LRRC37A2: variants seen among roughly 807,000 people sequenced by gnomAD.
LRRC37A2 encodes the protein leucine rich repeat containing 37 member A2, also known as leucine-rich repeat-containing protein 37A2.
A neutral mutation model predicts 68.8 loss-of-function variants in LRRC37A2; 9 were observed. The ratio of observed to expected loss-of-function variants is 0.13; its 90% confidence interval spans 0.08 to 0.23. LRRC37A2 has a LOEUF of 0.23. Ranked by LOEUF, LRRC37A2 falls within the 10% of genes least tolerant of loss-of-function variation. The probability of loss-of-function intolerance (pLI) is 1.00; values close to 1 mark genes in which losing one functional copy is unlikely to be tolerated. For missense variants in LRRC37A2, 168 were observed against 950.4 expected (o/e 0.18, Z 10.82); for synonymous variants, 63 against 367.6 (o/e 0.17, Z 9.48).
chr17:46,755,360 A>G, the LRRC37A2 span: 2 of 1,613,234 alleles, frequency 1.2e-6, no homozygotes, highest in Non-Finnish European at 1.7e-6. Context: ...CTCTTAAGAG[A>G]AGAAGGAGCG....
At chr17:46,880,753 G>A in the LRRC37A2 span, among the ~76,000 whole-genome samples, 12 of 152,130 alleles carry the variant, frequency 7.9e-5, no homozygotes, top group African/African-American at 2.9e-4. Flanking sequence ...TATAGGTCGG[G>A]CAGGGATGGA....
At chr17:46,998,300 T>A in the LRRC37A2 span, among the ~76,000 whole-genome samples, 1 of 152,130 alleles carries the variant, frequency 6.6e-6, no homozygotes, top group African/African-American at 2.4e-5. Context: ...GGCTCGGCCG[T>A]GAGTGTGCTG....
chr17:46,915,850 T>A, the LRRC37A2 span, among the ~76,000 whole-genome samples: 1 of 152,244 alleles, frequency 6.6e-6, no homozygotes, highest in Non-Finnish European at 1.5e-5. Flanking sequence ...TTTTATGGCA[T>A]TGAACAATAC....
At chr17:46,992,458 C>G in the LRRC37A2 span, among the ~76,000 whole-genome samples, 1 of 152,282 alleles carries the variant, frequency 6.6e-6, no homozygotes, top group African/African-American at 2.4e-5. Context: ...AAAGCTCAGG[C>G]CACTCCAGAT....
chr17:46,541,955 ATC>A (rs2055405074), intron 8 of LRRC37A2, among the ~76,000 whole-genome samples: 1 of 138,066 alleles, frequency 7.2e-6, no homozygotes, highest in Non-Finnish European at 1.5e-5. Context: ...TGGAAATGCC[ATC>A]TCTACTAAAA....
At chr17:46,904,057 G>A in the LRRC37A2 span, among the ~76,000 whole-genome samples, 1 of 148,704 alleles carries the variant, frequency 6.7e-6, no homozygotes, top group Non-Finnish European at 1.5e-5. Context: ...ATGAGTTGGT[G>A]GATGGGTGAG....
At chr17:46,868,655 A>G in the LRRC37A2 span, among the ~76,000 whole-genome samples, 1 of 152,330 alleles carries the variant, frequency 6.6e-6, no homozygotes, top group African/African-American at 2.4e-5. Context: ...TTCTGGGTTC[A>G]TAAGACTAAG....
chr17:46,785,544 T>C, the LRRC37A2 span, among the ~76,000 whole-genome samples: 1 of 152,192 alleles, frequency 6.6e-6, no homozygotes, highest in Non-Finnish European at 1.5e-5. Context: ...GCTGGCCAAA[T>C]GACCACTTCT....
the LRRC37A2 span, among the ~76,000 whole-genome samples, chr17:46,808,021 C>A: frequency 6.6e-6 from 1 of 152,230 alleles, no homozygotes; most frequent in African/African-American, 2.4e-5. Flanking sequence ...TTCTGCCCAG[C>A]TGCTTTCTAG....
At chr17:46,985,068 A>G in the LRRC37A2 span, among the ~76,000 whole-genome samples, 1 of 152,214 alleles carries the variant, frequency 6.6e-6, no homozygotes, top group African/African-American at 2.4e-5. Flanking sequence ...TTCCTGTCCA[A>G]ATGATCTCAC....
chr17:46,906,720 A>G, the LRRC37A2 span, among the ~76,000 whole-genome samples: 1 of 152,314 alleles, frequency 6.6e-6, no homozygotes, highest in Non-Finnish European at 1.5e-5. Flanking sequence ...TCATATAGGA[A>G]GAGGCTGAGG....
chr17:46,966,801 C>A, the LRRC37A2 span: 1 of 424,464 alleles, frequency 2.4e-6, no homozygotes, highest in Non-Finnish European at 4.2e-6. Context: ...TTGATGTGGC[C>A]GATGAGAAAA....
the LRRC37A2 span, chr17:46,938,470 T>C: frequency 7.0e-7 from 1 of 1,434,592 alleles, no homozygotes; most frequent in Non-Finnish European, 9.7e-7. Context: ...TGGCTGATAT[T>C]GCTTTCTGTG....
At chr17:46,839,968 C>T in the LRRC37A2 span, among the ~76,000 whole-genome samples, 31 of 136,864 alleles carry the variant, frequency 2.3e-4, no homozygotes, top group South Asian at 4.6e-4. Context: ...TTCTTTCTTT[C>T]TTTCTTTCTC....
the LRRC37A2 span, among the ~76,000 whole-genome samples, chr17:46,849,784 C>A: frequency 1.3e-5 from 2 of 152,146 alleles, no homozygotes; most frequent in African/African-American, 4.8e-5. Flanking sequence ...CATCACACCC[C>A]AGTCCTGCCT....
the LRRC37A2 span, among the ~76,000 whole-genome samples, chr17:46,855,500 C>T: frequency 6.6e-6 from 1 of 152,170 alleles, no homozygotes. Flanking sequence ...GTCAGTAGCA[C>T]CTGGAGGTGC....
chr17:46,865,183 T>C, the LRRC37A2 span, among the ~76,000 whole-genome samples: 1 of 152,082 alleles, frequency 6.6e-6, no homozygotes, highest in Non-Finnish European at 1.5e-5. Context: ...AGAAAAAGCA[T>C]TTCCTTCACA....
the LRRC37A2 span, among the ~76,000 whole-genome samples, chr17:47,044,779 AAG>A: frequency 6.7e-6 from 1 of 150,092 alleles, no homozygotes; most frequent in Admixed American, 6.7e-5. Flanking sequence ...TGGGAGGCCA[AAG>A]AGAGAGGGTG....
the LRRC37A2 span, among the ~76,000 whole-genome samples, chr17:46,469,724 G>T: frequency 1.3e-5 from 1 of 74,456 alleles, no homozygotes; most frequent in Non-Finnish European, 3.4e-5. Flanking sequence ...AAATTCCCTT[G>T]TATCTTTTCC....
Sources: gnomAD v4.1 joint callset for allele counts (sites outside exome capture counted in the v4.1 genomes callset) on GRCh38, gnomAD v4.1.1 for gene constraint, MANE v1.5 for transcripts, NCBI Gene and HGNC (gene_info 2026-07-23, HGNC 2026-07-21) for gene names.